Variants in DENND1A observed in about 807,000 individuals in gnomAD.
DENND1A encodes DENN domain-containing protein 1A.
A neutral mutation model predicts 113.7 loss-of-function variants in DENND1A; 51 were observed. That is an observed-to-expected ratio of 0.45 (90% CI 0.36 to 0.57). The LOEUF is 0.57. DENND1A is among the 20% of genes least tolerant of loss of function. The pLI, the probability that DENND1A is intolerant of heterozygous loss-of-function variation, is 0.00. For missense variants in DENND1A, 1,258 were observed against 1,395.9 expected (o/e 0.90, Z 1.57); for synonymous variants, 565 against 570.8 (o/e 0.99, Z 0.14).
intron 10 of DENND1A, among the ~76,000 whole-genome samples, chr9:123,616,215 C>A (rs1445311222): frequency 6.6e-6 from 1 of 152,192 alleles, no homozygotes; most frequent in African/African-American, 2.4e-5. Context: ...TGGGCGTGAG[C>A]CACTGTGCCT....
chr9:123,827,101 C>G lies in DENND1A; in HGVS notation c.89-34471G>C, dbSNP rs150851183. ...TTTTCCATTGAAAAAGAACTCAACA[C>G]AACTCAACTAATTATGTGGGAGGAT... On this transcript the variant is annotated intron_variant, in intron 2 of 23. Coordinates refer to ENST00000394215, the MANE Select transcript of DENND1A (RefSeq NM_001352964.2). 9.8e-3 allele frequency among the ~76,000 whole-genome samples: 1,496 copies of G among 152,146 alleles called. 14 individuals are homozygous for G. The highest frequency in any genetic ancestry group is 0.021 in the East Asian group (107 of 5,186).
intron 9 of DENND1A, among the ~76,000 whole-genome samples, chr9:123,640,488 G>A (rs868358343): frequency 6.6e-6 from 1 of 152,214 alleles, no homozygotes; most frequent in Non-Finnish European, 1.5e-5. Context: ...GAAGTGGTCC[G>A]TACGCAAAAC....
intron 19 of DENND1A, chr9:123,414,193 TA>T (rs2044535791): frequency 9.3e-7 from 1 of 1,071,392 alleles, no homozygotes; most frequent in African/African-American, 1.6e-5. Context: ...TTCCAAGCCT[TA>T]CTGTCCTCAT....
At chr9:123,533,258 C>T (rs760086323) in intron 13 of DENND1A, among the ~76,000 whole-genome samples, 7 of 152,234 alleles carry the variant, frequency 4.6e-5, no homozygotes, top group Admixed American at 3.9e-4. Context: ...TGTTTCGGTA[C>T]ACATTTTGAG....
chr9:123,765,308 T>C (rs913919298), intron 4 of DENND1A, among the ~76,000 whole-genome samples: 5 of 152,172 alleles, frequency 3.3e-5, no homozygotes, highest in African/African-American at 9.7e-5. Context: ...TGGGTAGTTA[T>C]CAAGCCTATC....
intron 5 of DENND1A, among the ~76,000 whole-genome samples, chr9:123,709,602 G>A (rs746954890): frequency 2.6e-5 from 4 of 152,076 alleles, no homozygotes; most frequent in Non-Finnish European, 4.4e-5. Context: ...ATCCTAGCTT[G>A]CTACTGCCTT....
Position 123,551,535 on chromosome 9 carries a change from G to C in DENND1A, c.993+6035C>G, listed in dbSNP as rs373881503. ...GTCTGCTGGCTCTGCTGCTTCCTAG[G>C]AATCACTGCAGCCTTCGCTCCATCC... is the stretch of plus-strand genomic sequence containing the variant. On this transcript the variant is annotated intron_variant, in intron 13 of 23. Coordinates refer to ENST00000394215, the MANE Select transcript of DENND1A (RefSeq NM_001352964.2). Among the ~76,000 whole-genome samples the C allele has an allele frequency of 2.4e-4, 37 of 152,306 alleles. No homozygotes were observed. The East Asian group carries it at 3.1e-3, about 13-fold the overall frequency.
chr9:123,827,584 G>T (rs952883461), intron 2 of DENND1A, among the ~76,000 whole-genome samples: 26 of 152,112 alleles, frequency 1.7e-4, no homozygotes, highest in African/African-American at 5.5e-4. Flanking sequence ...TTTCTCCCAA[G>T]GATATGGGCT....
intron 12 of DENND1A, 58 bp downstream of exon 12, chr9:123,583,111 C>T (rs1345140404): frequency 6.8e-6 from 9 of 1,318,104 alleles, no homozygotes; most frequent in South Asian, 1.3e-5. Context: ...CCCAAAGTCA[C>T]GTTCATTTCC....
At chr9:123,905,349 T>C (rs1230691) in intron 1 of DENND1A, among the ~76,000 whole-genome samples, 9,180 of 144,766 alleles carry the variant, frequency 0.063, 425 homozygotes, top group African/African-American at 0.15. Context: ...CAAATTCACA[T>C]ATAACAATAT....
intron 17 of DENND1A, 106 bp from the exon 18 acceptor site, chr9:123,450,855 G>A: frequency 2.3e-6 from 2 of 886,170 alleles, no homozygotes; most frequent in Non-Finnish European, 1.7e-6. Context: ...CTAGAAAAAG[G>A]AAGGAAAAAT....
chr9:123,406,828 G>A (rs984316717), intron 20 of DENND1A, among the ~76,000 whole-genome samples: 10 of 152,198 alleles, frequency 6.6e-5, no homozygotes, highest in Admixed American at 2.6e-4. Context: ...CCCCTGCCCC[G>A]CGGGGCCCCG....
At chr9:123,509,510 A>C (rs1296184604) in intron 13 of DENND1A, among the ~76,000 whole-genome samples, 1 of 152,324 alleles carries the variant, frequency 6.6e-6, no homozygotes, top group East Asian at 1.9e-4. Flanking sequence ...ATCTTCCTTT[A>C]TGGCCTCGTT....
chr9:123,928,457 C>T (rs1857471321), intron 1 of DENND1A: 1 of 717,218 alleles, frequency 1.4e-6, no homozygotes, highest in Non-Finnish European at 1.7e-6. Context: ...CTCTTTAATC[C>T]CAATGTTTCA....
At chr9:123,552,025 G>GAGAGAGAGAGAC (rs1407690928) in intron 13 of DENND1A, among the ~76,000 whole-genome samples, 3,710 of 142,352 alleles carry the variant, frequency 0.026, 94 homozygotes, top group Middle Eastern at 0.062. Flanking sequence ...GAGCGAGAGA[G>GAGAGAGAGAGAC]AGAGAGAGAG....
At chr9:123,548,362 T>C (rs2056839824) in intron 13 of DENND1A, among the ~76,000 whole-genome samples, 1 of 152,244 alleles carries the variant, frequency 6.6e-6, no homozygotes, top group Non-Finnish European at 1.5e-5. Context: ...TATAATTCCT[T>C]ATCCACTTGC....
At chr9:123,878,403 T>C (rs1588052977) in intron 2 of DENND1A, among the ~76,000 whole-genome samples, 1 of 152,268 alleles carries the variant, frequency 6.6e-6, no homozygotes, top group African/African-American at 2.4e-5. Flanking sequence ...TGGTCCTTCC[T>C]AGGACCCTCT....
intron 5 of DENND1A, among the ~76,000 whole-genome samples, chr9:123,699,001 A>T (rs1234373040): frequency 6.6e-6 from 1 of 152,242 alleles, no homozygotes; most frequent in Non-Finnish European, 1.5e-5. Flanking sequence ...AGGTATTGGA[A>T]TAAAAGACAA....
Position 123,552,736 on chromosome 9 carries a change from C to T in DENND1A, c.993+4834G>A, listed in dbSNP as rs2057173601. ...TGACCTACTGTTCTCAGGCCCTGCCCTGGCACCCGCCTCAGGGGCCATTCC... is the reference window on the plus strand; with the variant it reads ...TGACCTACTGTTCTCAGGCCCTGCCTTGGCACCCGCCTCAGGGGCCATTCC... On this transcript the variant is annotated intron_variant, in intron 13 of 23. Coordinates refer to ENST00000394215, the MANE Select transcript of DENND1A (RefSeq NM_001352964.2). Among the ~76,000 whole-genome samples the T allele has an allele frequency of 2.6e-5, 4 of 152,238 alleles. No individual in the cohort carries two copies. In the South Asian group the frequency reaches 8.3e-4, roughly 31 times the overall value.
Sources: gnomAD v4.1 joint callset for allele counts (sites outside exome capture counted in the v4.1 genomes callset) on GRCh38, gnomAD v4.1.1 for gene constraint, MANE v1.5 for transcripts, NCBI Gene and HGNC (gene_info 2026-07-23, HGNC 2026-07-21) for gene names.